Variants in SERINC1 observed in about 807,000 individuals in gnomAD.
The protein encoded by SERINC1 is serine incorporator 1.
SERINC1 carries 38 observed loss-of-function variants against 52.9 expected under a neutral mutation model. The ratio of observed to expected loss-of-function variants is 0.72; its 90% CI spans 0.55 to 0.94. SERINC1 has a LOEUF of 0.94. Ranked by LOEUF, SERINC1 falls within the 40% of genes least tolerant of loss-of-function variation. The pLI is 0.00. For missense variants in SERINC1, 471 were observed against 533.9 expected, an observed-to-expected ratio of 0.88 and a Z score of 1.16; for synonymous variants, 198 against 183.1, an observed-to-expected ratio of 1.08 and a Z score of -0.66.
intron 9 of SERINC1, 102 bp from the exon 10 acceptor site, chr6:122,445,281 T>A: frequency 8.7e-7 from 1 of 1,145,126 alleles, no homozygotes; most frequent in Admixed American, 2.3e-5. Context: ...TTGTATACAG[T>A]TTGTGATTTC....
chr6:122,449,746 G>A (rs988985318), intron 7 of SERINC1, among the ~76,000 whole-genome samples: 3 of 152,242 alleles, frequency 2.0e-5, no homozygotes, highest in Non-Finnish European at 4.4e-5. Flanking sequence ...GTCAGGCATG[G>A]TTGCTCACGC....
intron 1 of SERINC1, 30 bp from the exon 2 acceptor site, chr6:122,458,711 A>C: frequency 6.9e-7 from 1 of 1,459,218 alleles, no homozygotes; most frequent in Non-Finnish European, 9.5e-7. Context: ...TGAAAATATT[A>C]TTAAGAATCA....
chr6:122,462,183 T>C (rs996812662), intron 1 of SERINC1, among the ~76,000 whole-genome samples: 3 of 152,172 alleles, frequency 2.0e-5, no homozygotes, highest in African/African-American at 7.2e-5. Flanking sequence ...TACCTATTCA[T>C]GATATAAACT....
chr6:122,470,509 T>C (rs368712832), intron 1 of SERINC1, among the ~76,000 whole-genome samples: 1 of 152,196 alleles, frequency 6.6e-6, no homozygotes, highest in East Asian at 1.9e-4. Context: ...TTCAAAACTG[T>C]TTATCACACT....
chr6:122,462,373 A>AT (rs1469091193), intron 1 of SERINC1, among the ~76,000 whole-genome samples: 3 of 152,176 alleles, frequency 2.0e-5, no homozygotes, highest in African/African-American at 7.2e-5. Flanking sequence ...CAGCCAATAT[A>AT]ATGAGGCAAG....
intron 4 of SERINC1, 23 bp from the exon 5 acceptor site, chr6:122,453,930 A>G (rs1317820672): frequency 1.7e-5 from 27 of 1,559,834 alleles, no homozygotes; most frequent in Non-Finnish European, 2.1e-5. Flanking sequence ...GAAAGCATAC[A>G]TAAGTGATTG....
At chr6:122,453,978 G>T in intron 4 of SERINC1, 71 bp from the exon 5 acceptor site, 1 of 1,479,318 alleles carries the variant, frequency 6.8e-7, no homozygotes, top group Non-Finnish European at 9.1e-7. Context: ...CAAAATCACA[G>T]TACACAAAAA....
At chr6:122,445,269 C>T in intron 9 of SERINC1, 90 bp from the exon 10 acceptor site, 2 of 1,260,616 alleles carry the variant, frequency 1.6e-6, no homozygotes, top group Non-Finnish European at 1.1e-6. Context: ...CAGAAGCGTG[C>T]TTTGTATACA....
At chr6:122,447,776 A>T (rs1000409605) in intron 7 of SERINC1, among the ~76,000 whole-genome samples, 1 of 152,208 alleles carries the variant, frequency 6.6e-6, no homozygotes, top group Non-Finnish European at 1.5e-5. Flanking sequence ...AAATTACCCA[A>T]TAAAGTATAA....
At chr6:122,461,339 G>A (rs1470504791) in intron 1 of SERINC1, among the ~76,000 whole-genome samples, 1 of 151,858 alleles carries the variant, frequency 6.6e-6, no homozygotes, top group East Asian at 1.9e-4. Flanking sequence ...GAGGAACAAA[G>A]AAATAAATCA....
chr6:122,458,780 G>T, intron 1 of SERINC1, 99 bp from the exon 2 acceptor site: 2 of 856,524 alleles, frequency 2.3e-6, no homozygotes, highest in South Asian at 2.1e-5. Flanking sequence ...TGTTAAAAAA[G>T]AAAAAAGACT....
At chr6:122,445,883 C>CAAAAAAAAAAAAAAAAAAAAAAAA (rs71018202) in intron 9 of SERINC1, among the ~76,000 whole-genome samples, 7 of 62,818 alleles carry the variant, frequency 1.1e-4, no homozygotes, top group East Asian at 9.4e-4. Context: ...GACTCCATTT[C>CAAAAAAAAAAAAAAAAAAAAAAAA]AAAAAAAAAA....
chr6:122,451,423 T>C (rs1416575005), intron 7 of SERINC1, among the ~76,000 whole-genome samples: 2 of 152,126 alleles, frequency 1.3e-5, no homozygotes, highest in African/African-American at 4.8e-5. Flanking sequence ...GTGATGCTTG[T>C]TTCATTGTGG....
intron 1 of SERINC1, among the ~76,000 whole-genome samples, chr6:122,462,558 G>T (rs899881879): frequency 6.6e-6 from 1 of 152,030 alleles, no homozygotes; most frequent in African/African-American, 2.4e-5. Flanking sequence ...GGAGTTCAAG[G>T]AGTTCAATGA....
intron 1 of SERINC1, among the ~76,000 whole-genome samples, chr6:122,464,495 G>A (rs757959391): frequency 6.6e-6 from 1 of 152,116 alleles, no homozygotes; most frequent in Non-Finnish European, 1.5e-5. Flanking sequence ...TCAGGCAGAG[G>A]AAACAAACCA....
chr6:122,451,312 T>A (rs1774899519), intron 7 of SERINC1, among the ~76,000 whole-genome samples: 1 of 152,178 alleles, frequency 6.6e-6, no homozygotes, highest in Non-Finnish European at 1.5e-5. Flanking sequence ...TTAAGGAATG[T>A]ACATTGTTTT....
At chr6:122,461,145 T>C (rs1244146983) in intron 1 of SERINC1, among the ~76,000 whole-genome samples, 1 of 151,994 alleles carries the variant, frequency 6.6e-6, no homozygotes. Context: ...TCTGAGGAAG[T>C]AATTGCCCAA....
Position 122,451,975 on chromosome 6 carries a change from G to A in SERINC1, c.672C>T (p.Ala224=). 1 of 1,599,188 alleles carries A rather than the reference G, an allele frequency of 6.3e-7. No individual in the cohort carries two copies. The highest frequency in any genetic ancestry group is 8.5e-7 in the Non-Finnish European group (1 of 1,173,182). ...TGAACGCCTTGTTTTCTGAACAACT[G>A]GCTGGATGAGTGTAGTAGACAAAGA... ...VLFFVYYTHP[A]SCSENKAFIS... is the part of the protein sequence containing the mutation. Residue 224 remains alanine, a synonymous_variant, in exon 6 of 10, where the codon GCC becomes GCT. Coordinates refer to ENST00000339697, the MANE Select transcript of SERINC1 (RefSeq NM_020755.4).
rs1447497316 is a variant in SERINC1, at chr6:122,457,079, A to T, written c.202-429T>A. On this transcript the variant is annotated intron_variant, in intron 2 of 9. Transcript: ENST00000339697. ...TTTCCAGTCCCAGCACTCTAAAAAAACTGCTTTTCCAGGATACTAGTCATG... is the reference window on the plus strand; with the variant it reads ...TTTCCAGTCCCAGCACTCTAAAAAATCTGCTTTTCCAGGATACTAGTCATG... Among the ~76,000 whole-genome samples the T allele has an allele frequency of 2.0e-5, 3 of 152,288 alleles. No individual in the cohort carries two copies. In the East Asian group the frequency reaches 5.8e-4, roughly 29 times the overall value.
Sources: allele counts gnomAD v4.1 joint callset (sites outside exome capture counted in the v4.1 genomes callset), GRCh38; gene constraint gnomAD v4.1.1; transcripts MANE v1.5; gene names NCBI Gene and HGNC (gene_info 2026-07-23, HGNC 2026-07-21).